Variants in SPNS2 observed in about 807,000 individuals in gnomAD.
The protein encoded by SPNS2 is sphingosine-1-phosphate transporter SPNS2.
A neutral mutation model predicts 57.6 loss-of-function variants in SPNS2; 37 were observed. The ratio of observed to expected loss-of-function variants is 0.64; its 90% CI spans 0.49 to 0.85. The LOEUF (loss-of-function observed/expected upper bound fraction) is 0.85. Among genes scored for constraint, SPNS2 ranks in the 40% least tolerant of loss-of-function variants. SPNS2 has a pLI of 0.00. For synonymous variants in SPNS2, 440 were observed against 346.9 expected, an observed-to-expected ratio of 1.27 and a Z score of -2.98; for missense variants, 831 against 779.1, an observed-to-expected ratio of 1.07 and a Z score of -0.79.
chr17:4,500,561 G>C (rs970418846), intron 1 of SPNS2, among the ~76,000 whole-genome samples: 6 of 151,680 alleles, frequency 4.0e-5, no homozygotes, highest in African/African-American at 1.2e-4. Flanking sequence ...CTATAGCTTA[G>C]TAAAATCTGG....
chr17:4,524,957 C>G lies in SPNS2; in HGVS notation c.437-100C>G, dbSNP rs1013813586. ...CCTCTCTGGGCTGCTTCCTTGGTCC[C>G]TTTGCTCCACAGACTCTTGGCCCCA... On this transcript the variant is annotated intron_variant, in intron 2 of 12. Transcript: ENST00000329078. 10 of 1,526,084 alleles carry G rather than the reference C, an allele frequency of 6.6e-6. No homozygotes were observed. The Admixed American group carries it at 1.7e-4, about 27-fold the overall frequency. The allele number at this position is 1,526,084 out of a possible 1,614,324, so 94.5% of individuals were successfully genotyped here.
chr17:4,514,440 C>T (rs1030233112), intron 2 of SPNS2, among the ~76,000 whole-genome samples: 4 of 152,178 alleles, frequency 2.6e-5, no homozygotes, highest in African/African-American at 7.2e-5. Context: ...CCAGTACTCA[C>T]AATCCCTCCC....
chr17:4,524,005 A>G (rs1338297308), intron 2 of SPNS2, among the ~76,000 whole-genome samples: 1 of 152,166 alleles, frequency 6.6e-6, no homozygotes, highest in East Asian at 1.9e-4. Context: ...GTTGTTGTTG[A>G]ATGACAAGAC....
At chr17:4,515,280 G>A (rs575805057) in intron 2 of SPNS2, among the ~76,000 whole-genome samples, 2 of 152,296 alleles carry the variant, frequency 1.3e-5, no homozygotes, top group East Asian at 1.9e-4. Context: ...GTAACCCTAC[G>A]GGCTCTGTTT....
At chr17:4,521,562 A>G (rs910027320) in intron 2 of SPNS2, among the ~76,000 whole-genome samples, 3 of 152,228 alleles carry the variant, frequency 2.0e-5, no homozygotes, top group Non-Finnish European at 4.4e-5. Flanking sequence ...GGATGCTGGC[A>G]TGTTGGCGCT....
chr17:4,528,183 C>G (rs1018174949), intron 3 of SPNS2, among the ~76,000 whole-genome samples: 1 of 151,884 alleles, frequency 6.6e-6, no homozygotes, highest in Non-Finnish European at 1.5e-5. Context: ...CCACCACACC[C>G]AGCTAATTTT....
At chr17:4,535,153 G>A (rs959359481) in intron 9 of SPNS2, among the ~76,000 whole-genome samples, 16 of 152,108 alleles carry the variant, frequency 1.1e-4, no homozygotes. Context: ...AGAGCTGGCT[G>A]TGCCTGTCCC....
intron 11 of SPNS2, 73 bp from the exon 12 acceptor site, chr17:4,536,827 G>T (rs752343587): frequency 1.5e-6 from 2 of 1,291,234 alleles, no homozygotes; most frequent in South Asian, 1.2e-5. Flanking sequence ...CCCACGACAC[G>T]ATGTGCCAGA....
At chr17:4,529,775 C>T (rs553667397) in intron 3 of SPNS2, among the ~76,000 whole-genome samples, 4 of 152,168 alleles carry the variant, frequency 2.6e-5, no homozygotes, top group East Asian at 1.9e-4. Context: ...GAAACAGAGG[C>T]GAGGAGCTAA....
In SPNS2 at chr17:4,538,763, A is replaced by C. The variant is rs1906028105; in HGVS notation, c.*1315A>C. 5.5e-6 allele frequency: 4 copies of C among 723,962 alleles called. No individual in the cohort carries two copies. Among genetic ancestry groups the C allele is most frequent in the Non-Finnish European group, 9.9e-6 (4 of 402,320 alleles). 44.8% of individuals were successfully genotyped at this position (723,962 alleles called of 1,614,324 possible). The stretch of plus-strand genomic sequence containing the variant: ...GTGTAAGCAGGTGGAATACTCACCC[A>C]CCAAGCTCTGGGGTACCCCGAGGGC... On this transcript the variant is annotated 3_prime_UTR_variant, in exon 13 of 13. Coordinates refer to ENST00000329078, the MANE Select transcript of SPNS2 (RefSeq NM_001124758.3).
rs1010439939 is a variant in SPNS2 at position 4,536,151 on chromosome 17, G to A, written c.1420G>A (p.Gly474Arg). ...CACCTCCCACCTGCTGGGGGACGCCGGGAGCCCCTACCTCATTGGCTTTGT... is the reference window on the plus strand; with the variant it reads ...CACCTCCCACCTGCTGGGGGACGCCAGGAGCCCCTACCTCATTGGCTTTGT... ...SFTSHLLGDA[G>R]SPYLIGFISD... The change falls in exon 10 of 13, where the codon GGG (glycine) becomes AGG (arginine). Residue 474 changes from glycine (G) to arginine (R), a missense_variant. Coordinates refer to ENST00000329078, the MANE Select transcript of SPNS2 (RefSeq NM_001124758.3). 5.6e-6 allele frequency: 9 copies of A among 1,612,364 alleles called. No homozygotes were observed. Among genetic ancestry groups the A allele is most frequent in the South Asian group, 2.2e-5 (2 of 91,074 alleles).
At chr17:4,517,997 T>A (rs1718817057) in intron 2 of SPNS2, among the ~76,000 whole-genome samples, 1 of 152,194 alleles carries the variant, frequency 6.6e-6, no homozygotes, top group Admixed American at 6.5e-5. Flanking sequence ...TCAGCGTCAA[T>A]GCAACACAGG....
intron 3 of SPNS2, among the ~76,000 whole-genome samples, chr17:4,529,964 G>A (rs1330733922): frequency 6.6e-6 from 1 of 152,210 alleles, no homozygotes; most frequent in African/African-American, 2.4e-5. Context: ...GCCAGGGTGG[G>A]GCTGGGGAAA....
rs754752908 is a variant in SPNS2 at position 4,531,034 on chromosome 17, G to T, written c.726-19G>T. ...AGCCCCTGTCTCTGCTCAGCCTGAC[G>T]TGTGTCTCTTCTCTGCAGTGGCCTG... On this transcript the variant is annotated intron_variant, in intron 4 of 12. Transcript: ENST00000329078. 5.6e-6 allele frequency: 9 copies of T among 1,613,518 alleles called. No homozygotes were observed. The highest frequency in any genetic ancestry group is 6.8e-6 in the Non-Finnish European group (8 of 1,179,860).
chr17:4,522,386 G>A (rs994830881), intron 2 of SPNS2, among the ~76,000 whole-genome samples: 3 of 152,012 alleles, frequency 2.0e-5, no homozygotes. Context: ...GCCCGGATTT[G>A]TGCACCCGCA....
intron 2 of SPNS2, among the ~76,000 whole-genome samples, chr17:4,523,192 C>CT (rs1905181965): frequency 6.6e-6 from 1 of 152,186 alleles, no homozygotes; most frequent in African/African-American, 2.4e-5. Context: ...TAATCCCACA[C>CT]TTTGGGAGGC....
At chr17:4,500,661 G>A (rs369781973) in intron 1 of SPNS2, among the ~76,000 whole-genome samples, 6 of 152,028 alleles carry the variant, frequency 3.9e-5, no homozygotes, top group Admixed American at 2.0e-4. Context: ...AGAACTTTGC[G>A]GCAATTGAGG....
At chr17:4,505,744 C>T (rs996612769) in intron 1 of SPNS2, among the ~76,000 whole-genome samples, 12 of 152,098 alleles carry the variant, frequency 7.9e-5, no homozygotes, top group African/African-American at 2.7e-4. Flanking sequence ...AGGAGAGCAT[C>T]GGCATCGGGG....
chr17:4,526,361 G>A (rs1905261614), intron 3 of SPNS2, among the ~76,000 whole-genome samples: 1 of 152,172 alleles, frequency 6.6e-6, no homozygotes, highest in Non-Finnish European at 1.5e-5. Flanking sequence ...CCAGCACTTT[G>A]GAAGGCCAAG....
Sources: gnomAD v4.1 joint callset for allele counts (sites outside exome capture counted in the v4.1 genomes callset) on GRCh38, gnomAD v4.1.1 for gene constraint, MANE v1.5 for transcripts, NCBI Gene and HGNC (gene_info 2026-07-23, HGNC 2026-07-21) for gene names.